ODAD2: variants seen among roughly 807,000 people sequenced by gnomAD.
The protein encoded by ODAD2 is outer dynein arm docking complex subunit 2, also known as outer dynein arm-docking complex subunit 2.
A neutral mutation model predicts 106.8 loss-of-function variants in ODAD2; 89 were observed. The observed-to-expected ratio is 0.83, with a 90% CI of 0.70 to 0.99. The LOEUF is 0.99. Among genes scored for constraint, ODAD2 ranks in the 50% least tolerant of loss-of-function variants. ODAD2 has a pLI of 0.00. For missense variants in ODAD2, 1,168 were observed against 1,238.5 expected, an observed-to-expected ratio of 0.94 and a Z score of 0.85; for synonymous variants, 404 against 436.2, an observed-to-expected ratio of 0.93 and a Z score of 0.92.
chr10:27,864,392 T>C (rs1840281602), intron 17 of ODAD2, among the ~76,000 whole-genome samples: 2 of 145,668 alleles, frequency 1.4e-5, no homozygotes, highest in Non-Finnish European at 3.0e-5. Flanking sequence ...CAGATGAATG[T>C]ATGGGCTTGG....
chr10:27,858,803 A>ATTT (rs9299592), intron 19 of ODAD2, among the ~76,000 whole-genome samples: 1,311 of 128,706 alleles, frequency 0.01, 48 homozygotes, highest in African/African-American at 0.016. Context: ...ACCTTAGTAC[A>ATTT]TTTTTTTTTT....
chr10:27,988,837 T>A (rs916865665), intron 2 of ODAD2, among the ~76,000 whole-genome samples: 3 of 152,144 alleles, frequency 2.0e-5, no homozygotes, highest in African/African-American at 7.2e-5. Flanking sequence ...TCACCTTACA[T>A]GGCAAAAGGG....
intron 16 of ODAD2, among the ~76,000 whole-genome samples, chr10:27,928,946 A>G (rs1845435578): frequency 6.6e-6 from 1 of 152,098 alleles, no homozygotes. Context: ...GTCATTTACA[A>G]TTTGCCAAAG....
chr10:27,980,805 C>T (rs1031389546), intron 7 of ODAD2, among the ~76,000 whole-genome samples: 14 of 152,152 alleles, frequency 9.2e-5, no homozygotes, highest in African/African-American at 3.4e-4. Context: ...ACCATATGAC[C>T]CAGAAATTCC....
intron 16 of ODAD2, among the ~76,000 whole-genome samples, chr10:27,914,904 T>C: frequency 6.6e-6 from 1 of 151,966 alleles, no homozygotes; most frequent in South Asian, 2.1e-4. Context: ...AGCCTGACCT[T>C]TTCTCTTTGA....
chr10:27,864,209 G>A (rs1840270619), intron 17 of ODAD2, among the ~76,000 whole-genome samples: 2 of 151,534 alleles, frequency 1.3e-5, no homozygotes, highest in African/African-American at 4.8e-5. Context: ...GGAGAAGATA[G>A]AGATGAGTGA....
At chr10:27,990,855 G>A (rs576840294) in intron 2 of ODAD2, among the ~76,000 whole-genome samples, 10 of 152,078 alleles carry the variant, frequency 6.6e-5, no homozygotes, top group African/African-American at 1.9e-4. Context: ...TTTTTATCTC[G>A]ATGCATATAT....
intron 19 of ODAD2, among the ~76,000 whole-genome samples, chr10:27,834,435 C>T (rs6481485): frequency 0.7 from 107,043 of 151,936 alleles, 37,825 homozygotes; most frequent in Middle Eastern, 0.75. Context: ...TTTCTCACTT[C>T]CCATTGGTGA....
intron 15 of ODAD2, among the ~76,000 whole-genome samples, chr10:27,935,526 G>GT (rs894528996): frequency 2.0e-5 from 3 of 151,926 alleles, no homozygotes; most frequent in African/African-American, 4.8e-5. Flanking sequence ...CTCTACTAGG[G>GT]TTTTTTCCCC....
intron 17 of ODAD2, among the ~76,000 whole-genome samples, chr10:27,881,206 C>G (rs1322316610): frequency 6.6e-6 from 1 of 151,924 alleles, no homozygotes; most frequent in Admixed American, 6.5e-5. Flanking sequence ...TATGTGTTAC[C>G]AATAGTTTAC....
intron 19 of ODAD2, among the ~76,000 whole-genome samples, chr10:27,843,659 T>C: frequency 6.6e-6 from 1 of 151,944 alleles, no homozygotes; most frequent in East Asian, 1.9e-4. Context: ...TCCCAGCTAC[T>C]TGGGAGGCTG....
intron 17 of ODAD2, among the ~76,000 whole-genome samples, chr10:27,898,258 T>G (rs1842978586): frequency 6.6e-6 from 1 of 152,182 alleles, no homozygotes; most frequent in Non-Finnish European, 1.5e-5. Context: ...TATGATTATT[T>G]AGCCATATTC....
At chr10:27,819,285 G>C (rs773805947) in intron 19 of ODAD2, among the ~76,000 whole-genome samples, 1 of 152,072 alleles carries the variant, frequency 6.6e-6, no homozygotes, top group Non-Finnish European at 1.5e-5. Context: ...ATGAAAAAGG[G>C]GGAAAGAGAA....
intron 19 of ODAD2, among the ~76,000 whole-genome samples, chr10:27,854,987 GCAGA>G (rs1259189159): frequency 6.6e-6 from 1 of 152,102 alleles, no homozygotes; most frequent in African/African-American, 2.4e-5. Context: ...TTGACAGAAA[GCAGA>G]CCAGTGATTG....
At chr10:27,852,664 T>C (rs1839348754) in intron 19 of ODAD2, among the ~76,000 whole-genome samples, 1 of 152,098 alleles carries the variant, frequency 6.6e-6, no homozygotes, top group African/African-American at 2.4e-5. Flanking sequence ...AGATGGTACA[T>C]TTAAAGCTAA....
At chr10:27,982,879 A>G (rs1694874665) in intron 6 of ODAD2, among the ~76,000 whole-genome samples, 1 of 152,196 alleles carries the variant, frequency 6.6e-6, no homozygotes, top group Non-Finnish European at 1.5e-5. Context: ...TGTGCTGTTT[A>G]TCACTCAGCT....
chr10:27,939,299 G>C (rs890886344), intron 14 of ODAD2, among the ~76,000 whole-genome samples: 1 of 152,156 alleles, frequency 6.6e-6, no homozygotes, highest in African/African-American at 2.4e-5. Context: ...AGATGCATAA[G>C]TGTCTTCTAG....
intron 19 of ODAD2, among the ~76,000 whole-genome samples, chr10:27,840,337 G>A (rs1453514411): frequency 6.6e-6 from 1 of 152,154 alleles, no homozygotes. Context: ...ACTGACCTAA[G>A]AATTTCTCAT....
chr10:27,851,564 T>C (rs943336775), intron 19 of ODAD2, among the ~76,000 whole-genome samples: 5 of 150,200 alleles, frequency 3.3e-5, no homozygotes, highest in African/African-American at 1.2e-4. Flanking sequence ...TAGATGGCAA[T>C]AAAGGCAAAT....
Sources: allele counts gnomAD v4.1 joint callset (sites outside exome capture counted in the v4.1 genomes callset), GRCh38; gene constraint gnomAD v4.1.1; transcripts MANE v1.5; gene names NCBI Gene and HGNC (gene_info 2026-07-23, HGNC 2026-07-21).